JAZF1: variants seen among roughly 807,000 people sequenced by gnomAD.
The protein encoded by JAZF1 is JAZF zinc finger 1, also known as juxtaposed with another zinc finger protein 1.
A neutral mutation model predicts 26.4 loss-of-function variants in JAZF1; 8 were observed. That is an observed-to-expected ratio of 0.30 (90% CI 0.18 to 0.55). The LOEUF (loss-of-function observed/expected upper bound fraction) is 0.55, where lower values mean the gene tolerates loss of function less well. JAZF1 is among the 20% of genes least tolerant of loss of function. The probability of loss-of-function intolerance (pLI) is 0.94; values close to 1 mark genes in which losing one functional copy is unlikely to be tolerated. For missense variants in JAZF1, 199 were observed against 322.0 expected (o/e 0.62, Z 2.92); for synonymous variants, 126 against 122.3 (o/e 1.03, Z -0.20).
chr7:27,874,261 C>G (rs190931170), intron 3 of JAZF1, among the ~76,000 whole-genome samples: 33 of 152,320 alleles, frequency 2.2e-4, no homozygotes, highest in Non-Finnish European at 1.5e-5. Context: ...TGGGAAAATC[C>G]CCAGGGAGGG....
At chr7:28,124,797 T>C (rs1750718743) in intron 1 of JAZF1, among the ~76,000 whole-genome samples, 2 of 152,192 alleles carry the variant, frequency 1.3e-5, no homozygotes, top group Admixed American at 6.5e-5. Context: ...ATTTTGCTTT[T>C]TAATGAGCAT....
chr7:28,111,475 T>G (rs962801668), intron 1 of JAZF1, among the ~76,000 whole-genome samples: 2 of 152,236 alleles, frequency 1.3e-5, no homozygotes, highest in Non-Finnish European at 2.9e-5. Context: ...TTCAGTTTTA[T>G]GGTAAAATAT....
intron 1 of JAZF1, among the ~76,000 whole-genome samples, chr7:28,069,805 G>A (rs144207808): frequency 4.6e-4 from 70 of 152,294 alleles, no homozygotes; most frequent in Non-Finnish European, 9.4e-4. Flanking sequence ...TCACCATGCT[G>A]AGCGTTGAGC....
chr7:28,039,479 G>T (rs547967318), intron 1 of JAZF1, among the ~76,000 whole-genome samples: 1 of 152,270 alleles, frequency 6.6e-6, no homozygotes, highest in East Asian at 1.9e-4. Context: ...AGATGAAAAT[G>T]TGCCTCCCCT....
chr7:28,097,999 C>A (rs151316565), intron 1 of JAZF1, among the ~76,000 whole-genome samples: 1 of 152,132 alleles, frequency 6.6e-6, no homozygotes, highest in Non-Finnish European at 1.5e-5. Context: ...GCACACAAAA[C>A]GGAACATTTT....
At chr7:27,944,533 A>C (rs1221018898) in intron 2 of JAZF1, among the ~76,000 whole-genome samples, 3 of 152,180 alleles carry the variant, frequency 2.0e-5, no homozygotes, top group Admixed American at 2.0e-4. Flanking sequence ...GCTATTATCT[A>C]CTTTTTTCAT....
intron 1 of JAZF1, among the ~76,000 whole-genome samples, chr7:28,089,998 TA>T (rs1784268895): frequency 6.6e-6 from 1 of 152,222 alleles, no homozygotes; most frequent in Admixed American, 6.5e-5. Flanking sequence ...AAAGTCCATG[TA>T]AGATTTGGGT....
At chr7:28,161,146 C>T (rs1229451537) in intron 1 of JAZF1, among the ~76,000 whole-genome samples, 1 of 148,628 alleles carries the variant, frequency 6.7e-6, no homozygotes, top group African/African-American at 2.5e-5. Context: ...GTAAGGCTGT[C>T]GAAACAATAA....
Position 28,097,610 on chromosome 7 carries a change from C to T in JAZF1, c.115+82853G>A, listed in dbSNP as rs112026821. ...TGTTCTGAAGCAAGAAATGGGAGAGCTGAAGGAGCTGGATATATAAAGGGT... is the reference window on the plus strand; with the variant it reads ...TGTTCTGAAGCAAGAAATGGGAGAGTTGAAGGAGCTGGATATATAAAGGGT... On this transcript the variant is annotated intron_variant, in intron 1 of 4. Coordinates refer to ENST00000283928, the MANE Select transcript of JAZF1 (RefSeq NM_175061.4). 7.9e-3 allele frequency among the ~76,000 whole-genome samples: 1,196 copies of T among 152,244 alleles called. 6 individuals are homozygous for T. The highest frequency in any genetic ancestry group is 0.02 in the Middle Eastern group (6 of 294).
chr7:28,074,479 A>C (rs1784022521), intron 1 of JAZF1, among the ~76,000 whole-genome samples: 1 of 152,256 alleles, frequency 6.6e-6, no homozygotes, highest in Non-Finnish European at 1.5e-5. Flanking sequence ...AATCAGAAAC[A>C]GAAATACACA....
At chr7:28,080,727 TATTG>T (rs1428227860) in intron 1 of JAZF1, among the ~76,000 whole-genome samples, 3 of 152,192 alleles carry the variant, frequency 2.0e-5, no homozygotes, top group Admixed American at 6.5e-5. Context: ...ATAAAACATT[TATTG>T]ATTAAGTTCA....
At chr7:28,075,615 A>T (rs896019150) in intron 1 of JAZF1, among the ~76,000 whole-genome samples, 1 of 152,206 alleles carries the variant, frequency 6.6e-6, no homozygotes, top group Non-Finnish European at 1.5e-5. Flanking sequence ...AAACTGTTCT[A>T]TAAGTGACTT....
chr7:28,098,555 T>C (rs1400071571), intron 1 of JAZF1, among the ~76,000 whole-genome samples: 1 of 151,980 alleles, frequency 6.6e-6, no homozygotes, highest in Non-Finnish European at 1.5e-5. Context: ...AAAATGTAAA[T>C]TCTGGTTCAG....
At chr7:27,910,066 A>C (rs1022757007) in intron 2 of JAZF1, among the ~76,000 whole-genome samples, 2 of 152,334 alleles carry the variant, frequency 1.3e-5, no homozygotes, top group Admixed American at 1.3e-4. Context: ...AGTCTATACC[A>C]TTGAATGACA....
In JAZF1 at chr7:27,884,424, G is replaced by T. The variant is rs193041145; in HGVS notation, c.385+10796C>A. Among the ~76,000 whole-genome samples, 276 of 152,356 alleles carry T rather than the reference G, an allele frequency of 1.8e-3. 7 individuals carry two copies. Among genetic ancestry groups the T allele is most frequent in the Admixed American group, 7.0e-3 (107 of 15,310 alleles). On this transcript the variant is annotated intron_variant, in intron 3 of 4. Coordinates refer to ENST00000283928, the MANE Select transcript of JAZF1 (RefSeq NM_175061.4). ...TAACAGGTGTGGGCCACTGCATCGG[G>T]CAGGTATATAATTGGATGAGCTTGA...
At chr7:27,874,958 TC>T (rs1783650156) in intron 3 of JAZF1, among the ~76,000 whole-genome samples, 1 of 141,150 alleles carries the variant, frequency 7.1e-6, no homozygotes, top group African/African-American at 2.8e-5. Flanking sequence ...CCAGGCTCTA[TC>T]CCTTGGAATT....
chr7:27,898,814 G>A (rs942325031), intron 2 of JAZF1, among the ~76,000 whole-genome samples: 4 of 152,142 alleles, frequency 2.6e-5, no homozygotes, highest in Non-Finnish European at 2.9e-5. Flanking sequence ...TTAAAGCCCT[G>A]TCGCTAAGAC....
chr7:27,830,610 A>G lies in JAZF1; in HGVS notation c.*2190T>C, dbSNP rs182116025. 6.4e-4 allele frequency: 116 copies of G among 180,736 alleles called. 2 individuals carry two copies. In the East Asian group the frequency reaches 7.9e-3, roughly 12 times the overall value. 11.2% of individuals were successfully genotyped at this position (180,736 alleles called of 1,614,324 possible). A position where few individuals can be genotyped will look rare whatever the true frequency, so the allele number is the denominator to read the frequency against. On this transcript the variant is annotated 3_prime_UTR_variant, in exon 5 of 5. Coordinates refer to ENST00000283928, the MANE Select transcript of JAZF1 (RefSeq NM_175061.4). ...TCAGAGGCAGTTTATTTTAAATGTGATTTCATTTACATTTATAAGCAGCTT... is the reference window on the plus strand; with the variant it reads ...TCAGAGGCAGTTTATTTTAAATGTGGTTTCATTTACATTTATAAGCAGCTT...
Position 28,005,408 on chromosome 7 carries a change from A to G in JAZF1, c.116-13427T>C, listed in dbSNP as rs544339695. On this transcript the variant is annotated intron_variant, in intron 1 of 4. Transcript: ENST00000283928. The stretch of plus-strand genomic sequence containing the variant: ...TCCTATCTCCCAGGGAAGCCGAATC[A>G]TTGCTTAAAAAAAAAAAAAAAAGTC... 7.3e-5 allele frequency among the ~76,000 whole-genome samples: 11 copies of G among 151,256 alleles called. No individual in the cohort carries two copies. The East Asian group carries it at 2.1e-3, about 29-fold the overall frequency.
Sources: allele counts gnomAD v4.1 joint callset (sites outside exome capture counted in the v4.1 genomes callset), GRCh38; gene constraint gnomAD v4.1.1; transcripts MANE v1.5; gene names NCBI Gene and HGNC (gene_info 2026-07-23, HGNC 2026-07-21).